Variants in EFCAB5 observed in about 807,000 individuals in gnomAD.
EFCAB5 encodes EF-hand calcium binding domain 5.
In EFCAB5, 131 loss-of-function variants were observed where a neutral mutation model predicts 167.9. The observed-to-expected ratio is 0.78, with a 90% CI of 0.68 to 0.90. The LOEUF (loss-of-function observed/expected upper bound fraction) is 0.90. Ranked by LOEUF, EFCAB5 falls within the 40% of genes least tolerant of loss-of-function variation. The pLI, the probability that EFCAB5 is intolerant of heterozygous loss-of-function variation, is 0.00. For synonymous variants in EFCAB5, 574 were observed against 602.8 expected (o/e 0.95, Z 0.70); for missense variants, 1,663 against 1,745.2 (o/e 0.95, Z 0.84).
intron 3 of EFCAB5, among the ~76,000 whole-genome samples, chr17:29,949,726 G>A (rs991935681): frequency 6.6e-6 from 1 of 152,210 alleles, no homozygotes; most frequent in Admixed American, 6.5e-5. Context: ...TGACCCTGCT[G>A]TTGCTGTGCT....
Position 30,053,452 on chromosome 17 carries a change from A to G in EFCAB5, c.1498A>G (p.Thr500Ala). 6.2e-7 allele frequency: 1 copy of G among 1,614,030 alleles called. No homozygotes were observed. Among genetic ancestry groups the G allele is most frequent in the Non-Finnish European group, 8.5e-7 (1 of 1,179,886 alleles). Residue 500 changes from threonine (T) to alanine (A), a missense_variant, in exon 10 of 23, where the codon ACA becomes GCA. Thr to Ala is a moderately conservative substitution (Grantham distance 58). Transcript: ENST00000394835. ...QPKLNEQRTS[T>A]PSPNPPEQQR... ...TAAACTTAACGAACAGAGAACATCA[A>G]CACCATCACCAAACCCGCCAGAACA...
intron 3 of EFCAB5, among the ~76,000 whole-genome samples, chr17:29,953,240 C>G (rs2067548536): frequency 6.6e-6 from 1 of 152,154 alleles, no homozygotes; most frequent in African/African-American, 2.4e-5. Context: ...ACACCAACAA[C>G]AGTAAAGCCA....
upstream of EFCAB5, among the ~76,000 whole-genome samples, chr17:29,940,370 C>G (rs2067282318): frequency 6.6e-6 from 1 of 152,202 alleles, no homozygotes; most frequent in Non-Finnish European, 1.5e-5. Flanking sequence ...AGCCCCTGCG[C>G]CCGGACTAAA....
chr17:30,074,569 C>T (rs1394626894), intron 14 of EFCAB5: 1 of 152,136 alleles, frequency 6.6e-6, no homozygotes, highest in Non-Finnish European at 1.5e-5. Context: ...TGTATGGACA[C>T]CTGGGCTGTT....
At chr17:30,085,870 T>C (rs1036285601) in intron 18 of EFCAB5, among the ~76,000 whole-genome samples, 1 of 152,242 alleles carries the variant, frequency 6.6e-6, no homozygotes, top group African/African-American at 2.4e-5. Context: ...CTTGATGTCA[T>C]GGAGTATAGA....
chr17:30,105,678 T>C (rs893767485), intron 22 of EFCAB5, among the ~76,000 whole-genome samples: 1 of 152,216 alleles, frequency 6.6e-6, no homozygotes, highest in African/African-American at 2.4e-5. Flanking sequence ...TTCTCTCTAA[T>C]GTTACTGAGC....
At chr17:30,033,729 T>G (rs1488856307) in intron 7 of EFCAB5, among the ~76,000 whole-genome samples, 1 of 152,190 alleles carries the variant, frequency 6.6e-6, no homozygotes, top group Non-Finnish European at 1.5e-5. Context: ...CCCTATACTT[T>G]AAAAGAAGAT....
At position 30,087,175 on chromosome 17, in the gene EFCAB5, C is replaced by T. The variant is rs924698081; in HGVS notation, c.3683+9C>T. ...AAGTCATGCATCTTCAGGTTAGAGACATGTCTGTTTTGTTTGACTGCTAGA... is the reference window on the plus strand; with the variant it reads ...AAGTCATGCATCTTCAGGTTAGAGATATGTCTGTTTTGTTTGACTGCTAGA... On this transcript the variant is annotated intron_variant, in intron 19 of 22. Transcript: ENST00000394835. 3 of 1,611,794 alleles carry T rather than the reference C, an allele frequency of 1.9e-6. No individual in the cohort carries two copies. Among genetic ancestry groups the T allele is most frequent in the African/African-American group, 1.3e-5 (1 of 74,886 alleles).
At chr17:30,103,831 G>A (rs576399637) in intron 22 of EFCAB5, among the ~76,000 whole-genome samples, 2 of 152,180 alleles carry the variant, frequency 1.3e-5, no homozygotes, top group South Asian at 2.1e-4. Context: ...CCTGGCCAAC[G>A]TGGTGAAACC....
At chr17:30,077,485 T>G (rs560153310) in intron 14 of EFCAB5, among the ~76,000 whole-genome samples, 4 of 151,874 alleles carry the variant, frequency 2.6e-5, no homozygotes, top group Non-Finnish European at 4.4e-5. Context: ...AGGATATCAG[T>G]GGGAAGTGTG....
chr17:29,993,762 TA>T lies in EFCAB5; in HGVS notation c.924+444del, dbSNP rs1281076025. ...TACAATGCTAAGCATATTTTCAGTT[TA>T]AAGTGAATGATTAAAAATAGATCAA... is the stretch of plus-strand genomic sequence containing the variant. On this transcript the variant is annotated intron_variant, in intron 5 of 22. Coordinates refer to ENST00000394835, the MANE Select transcript of EFCAB5 (RefSeq NM_198529.4). Among the ~76,000 whole-genome samples, 15 of 152,210 alleles carry T rather than the reference TA, an allele frequency of 9.9e-5. 1 individual carries two copies. Among genetic ancestry groups the T allele is most frequent in the Admixed American group, 5.2e-4 (8 of 15,286 alleles).
intron 14 of EFCAB5, among the ~76,000 whole-genome samples, chr17:30,064,193 A>G (rs1178111486): frequency 6.6e-6 from 1 of 152,242 alleles, no homozygotes; most frequent in African/African-American, 2.4e-5. Context: ...ATTAATTGCC[A>G]GGAAAGGAAT....
At chr17:29,960,618 A>G (rs1022386395) in intron 3 of EFCAB5, among the ~76,000 whole-genome samples, 1 of 152,062 alleles carries the variant, frequency 6.6e-6, no homozygotes, top group Non-Finnish European at 1.5e-5. Context: ...CATTTTTTCA[A>G]TGGGTGAATG....
At chr17:30,104,706 G>A (rs2071424709) in intron 22 of EFCAB5, among the ~76,000 whole-genome samples, 1 of 152,142 alleles carries the variant, frequency 6.6e-6, no homozygotes, top group Non-Finnish European at 1.5e-5. Context: ...ACCGTTAATA[G>A]GGAACCCAGC....
chr17:29,983,576 C>T (rs2151612990), intron 4 of EFCAB5, among the ~76,000 whole-genome samples: 1 of 152,264 alleles, frequency 6.6e-6, no homozygotes, highest in South Asian at 2.1e-4. Flanking sequence ...AGTTTTTCTT[C>T]CCTTCCAGTC....
At chr17:30,036,090 C>A (rs2069608535) in intron 8 of EFCAB5, among the ~76,000 whole-genome samples, 1 of 140,284 alleles carries the variant, frequency 7.1e-6, no homozygotes, top group South Asian at 2.2e-4. Context: ...TTATATATAA[C>A]CATATATTTA....
At chr17:30,016,489 T>A (rs2069045176) in intron 7 of EFCAB5, among the ~76,000 whole-genome samples, 1 of 152,094 alleles carries the variant, frequency 6.6e-6, no homozygotes, top group African/African-American at 2.4e-5. Flanking sequence ...AAGAAACAAA[T>A]AAGAATATAA....
intron 8 of EFCAB5, among the ~76,000 whole-genome samples, chr17:30,039,799 G>A (rs1172175511): frequency 6.6e-6 from 1 of 152,090 alleles, no homozygotes; most frequent in Non-Finnish European, 1.5e-5. Context: ...TATGGTTTAG[G>A]ATCAGAGGTC....
intron 14 of EFCAB5, chr17:30,069,059 A>C: frequency 7.1e-7 from 1 of 1,412,748 alleles, no homozygotes; most frequent in South Asian, 1.1e-5. Flanking sequence ...TACTTAAAAA[A>C]AGTGTGTAAA....
Sources: gnomAD v4.1 joint callset for allele counts (sites outside exome capture counted in the v4.1 genomes callset) on GRCh38, gnomAD v4.1.1 for gene constraint, MANE v1.5 for transcripts, NCBI Gene and HGNC (gene_info 2026-07-23, HGNC 2026-07-21) for gene names.